LRRC9: variants seen among roughly 807,000 people sequenced by gnomAD.
LRRC9 encodes leucine-rich repeat-containing protein 9.
LRRC9 carries 122 observed loss-of-function variants against 63.2 expected under a neutral mutation model. The observed-to-expected ratio is 1.93, with a 90% CI of 1.67 to 2.24. LRRC9 has a LOEUF of 2.24. Ranked by LOEUF, LRRC9 falls within the 30% of genes most tolerant of loss-of-function variation. The pLI is 0.00. For missense variants in LRRC9, 1,071 were observed against 627.7 expected (o/e 1.71, Z -7.55); for synonymous variants, 366 against 213.1 (o/e 1.72, Z -6.25).
intron 1 of LRRC9, 119 bp downstream of exon 1, chr14:59,920,392 G>A (rs1225832988): frequency 6.6e-6 from 1 of 152,286 alleles, no homozygotes; most frequent in East Asian, 1.9e-4. Flanking sequence ...TGAGGTCAAG[G>A]GAACTCCGTA....
In LRRC9 at chr14:60,042,741, G is replaced by A. The variant is rs1893066964; in HGVS notation, c.3991-10324G>A. ...GTCCTGCTTTGGCTCATGCTCCGTGGGCTGCACCTATTGTCCGACAAGCCC... is the reference window on the plus strand; with the variant it reads ...GTCCTGCTTTGGCTCATGCTCCGTGAGCTGCACCTATTGTCCGACAAGCCC... On this transcript the variant is annotated intron_variant, in intron 29 of 31. Transcript: ENST00000445360. The surrounding 1 kb of genome is among the most constrained non-coding windows in gnomAD (Gnocchi z 4.2). 6.6e-6 allele frequency among the ~76,000 whole-genome samples: 1 copy of A among 151,964 alleles called. No homozygotes were observed. Among genetic ancestry groups the A allele is most frequent in the Non-Finnish European group, 1.5e-5 (1 of 67,952 alleles).
At position 60,027,059 on chromosome 14, in the gene LRRC9, A is replaced by G. The variant is rs1354323197; in HGVS notation, c.3704-825A>G. 6.6e-6 allele frequency among the ~76,000 whole-genome samples: 1 copy of G among 152,048 alleles called. No homozygotes were observed. Among genetic ancestry groups the G allele is most frequent in the East Asian group, 1.9e-4 (1 of 5,172 alleles). ...AGCACATAATAATCAAGGAGAATGAATATTGACTGAAATGTAGTATGGCAT... is the reference window on the plus strand; with the variant it reads ...AGCACATAATAATCAAGGAGAATGAGTATTGACTGAAATGTAGTATGGCAT... On this transcript the variant is annotated intron_variant, in intron 27 of 31. Transcript: ENST00000445360. This position sits in a 1 kb window ranked among gnomAD's most constrained non-coding sequence, Gnocchi z 4.0.
chr14:59,977,375 T>C (rs1363644298), intron 14 of LRRC9, 28 bp downstream of exon 14: 2 of 643,082 alleles, frequency 3.1e-6, no homozygotes, highest in Non-Finnish European at 5.6e-6. Flanking sequence ...ATTAATGTGG[T>C]TTTATCTCTC....
At chr14:60,041,281 A>G (rs957279373) in intron 29 of LRRC9, among the ~76,000 whole-genome samples, 2 of 151,880 alleles carry the variant, frequency 1.3e-5, no homozygotes, top group African/African-American at 4.8e-5. Flanking sequence ...CATTCTCTGT[A>G]TTTCCTGAAT....
intron 17 of LRRC9, among the ~76,000 whole-genome samples, chr14:59,996,265 T>C (rs2140179338): frequency 6.6e-6 from 1 of 152,178 alleles, no homozygotes; most frequent in African/African-American, 2.4e-5. Context: ...GTTCAAGAAA[T>C]GATGATAGGA....
Position 60,004,204 on chromosome 14 carries a change from C to A in LRRC9, c.2842+406C>A, listed in dbSNP as rs913430075. 1.3e-5 allele frequency among the ~76,000 whole-genome samples: 2 copies of A among 152,008 alleles called. No homozygotes were observed. Among genetic ancestry groups the A allele is most frequent in the African/African-American group, 4.8e-5 (2 of 41,410 alleles). On this transcript the variant is annotated intron_variant, in intron 21 of 31. Transcript: ENST00000445360. The surrounding 1 kb of genome is among the most constrained non-coding windows in gnomAD (Gnocchi z 4.8). ...TCTGTGCTAGTTTATAATCTGTTAC[C>A]AAACATTAGCACATACCAACTAGTT...
chr14:59,964,268 T>C lies in LRRC9; in HGVS notation c.1212-2321T>C, dbSNP rs575911420. Among the ~76,000 whole-genome samples the C allele has an allele frequency of 1.5e-4, 23 of 152,360 alleles. 1 individual carries two copies. The highest frequency in any genetic ancestry group is 5.0e-4 in the African/African-American group (21 of 41,602). Reference sequence around the variant, plus strand: ...AGTAAAGGATCAGTGTTCTCCACTGTATAGTTTTAGACTATCATAACTTCT... The same window carrying C: ...AGTAAAGGATCAGTGTTCTCCACTGCATAGTTTTAGACTATCATAACTTCT... On this transcript the variant is annotated intron_variant, in intron 10 of 31. Coordinates refer to ENST00000445360, the Ensembl canonical transcript of LRRC9. The surrounding 1 kb of genome is among the most constrained non-coding windows in gnomAD (Gnocchi z 4.4).
chr14:60,037,034 C>G (rs539463093), intron 29 of LRRC9, among the ~76,000 whole-genome samples: 3 of 152,036 alleles, frequency 2.0e-5, no homozygotes, highest in Admixed American at 6.6e-5. Context: ...TCTGTCCTTG[C>G]GATAGTTTGC....
chr14:60,064,868 G>A (rs1211372091), downstream of LRRC9, among the ~76,000 whole-genome samples: 1 of 151,980 alleles, frequency 6.6e-6, no homozygotes, highest in Non-Finnish European at 1.5e-5. Context: ...ATAACAAAGT[G>A]GGAAAATAAA....
rs1265123375 is a variant in LRRC9 at position 60,032,172 on chromosome 14, G to T, written c.3990+109G>T. 6.9e-6 allele frequency: 4 copies of T among 576,458 alleles called. No individual in the cohort carries two copies. The East Asian group carries it at 1.2e-4, about 17-fold the overall frequency. The allele number at this position is 576,458 out of a possible 1,614,324, so 35.7% of individuals were successfully genotyped here. A position where few individuals can be genotyped will look rare whatever the true frequency, so the allele number is the denominator to read the frequency against. On this transcript the variant is annotated intron_variant, in intron 29 of 31. Transcript: ENST00000445360. ...TTAGTTTTATGCTTCTGTATGCATA[G>T]CCAGTCATCCCAGCCCAAATTTATT...
At chr14:59,998,907 C>A (rs182793690) in intron 18 of LRRC9, among the ~76,000 whole-genome samples, 194 bp from the exon 19 acceptor site, 2 of 152,118 alleles carry the variant, frequency 1.3e-5, no homozygotes, top group African/African-American at 4.8e-5. Flanking sequence ...GTAGAATCAT[C>A]AACCTTCAAA....
chr14:59,981,507 G>C (rs1314846365), intron 15 of LRRC9, among the ~76,000 whole-genome samples: 2 of 152,068 alleles, frequency 1.3e-5, no homozygotes, highest in Non-Finnish European at 2.9e-5. Flanking sequence ...ATATTTTTTA[G>C]CCAGAGGTTA....
Position 60,003,852 on chromosome 14 carries a change from A to C in LRRC9, c.2842+54A>C. On this transcript the variant is annotated intron_variant, in intron 21 of 31. Coordinates refer to ENST00000445360, the Ensembl canonical transcript of LRRC9. This position sits in a 1 kb window ranked among gnomAD's most constrained non-coding sequence, Gnocchi z 4.2. ...AAAATATGGGATGTCTAAACAACAAAGCAAAAAATAACCCTGGGAACAGAG... is the reference window on the plus strand; with the variant it reads ...AAAATATGGGATGTCTAAACAACAACGCAAAAAATAACCCTGGGAACAGAG... 1 of 545,620 alleles carries C rather than the reference A, an allele frequency of 1.8e-6. No individual in the cohort carries two copies. The highest frequency in any genetic ancestry group is 3.2e-6 in the Non-Finnish European group (1 of 310,402). 33.8% of individuals were successfully genotyped at this position (545,620 alleles called of 1,614,324 possible).
At chr14:60,037,510 T>C (rs1344421123) in intron 29 of LRRC9, among the ~76,000 whole-genome samples, 1 of 152,244 alleles carries the variant, frequency 6.6e-6, no homozygotes, top group Non-Finnish European at 1.5e-5. Flanking sequence ...ATTTCTCTGA[T>C]GGCCAGTGAT....
intron 12 of LRRC9, 149 bp from the exon 13 acceptor site, chr14:59,974,427 C>T: frequency 2.4e-6 from 1 of 414,776 alleles, no homozygotes; most frequent in Non-Finnish European, 4.3e-6. Context: ...AATGAAGTTG[C>T]ACCTGAAGGT....
At chr14:59,977,946 T>C (rs528832601) in intron 14 of LRRC9, 71 bp from the exon 15 acceptor site, 2 of 652,724 alleles carry the variant, frequency 3.1e-6, no homozygotes, top group Admixed American at 2.2e-5. Context: ...TATTAAACTA[T>C]GTAAGAATGA....
Position 59,999,135 on chromosome 14 carries a change from T to G in LRRC9, c.2438T>G (p.Leu813Ter). 3 of 699,898 alleles carry G rather than the reference T, an allele frequency of 4.3e-6. No individual in the cohort carries two copies. Among genetic ancestry groups the G allele is most frequent in the Non-Finnish European group, 5.2e-6 (2 of 383,178 alleles). 43.4% of individuals were successfully genotyped at this position (699,898 alleles called of 1,614,324 possible). ...TTGAGGCTGAGTGTTATTGGCAGAT[T>G]AAAGACTCTTACCCATTTAAATGGA... is the stretch of plus-strand genomic sequence containing the variant. Residue 813 changes from leucine to a stop codon, truncating the protein, a stop_gained, in exon 19 of 32, where the codon TTA becomes TGA. Coordinates refer to ENST00000445360, the Ensembl canonical transcript of LRRC9. LOFTEE classifies it high-confidence loss of function.
chr14:59,930,930 C>A lies in LRRC9; in HGVS notation c.280C>A (p.Leu94Ile). 1 of 437,388 alleles carries A rather than the reference C, an allele frequency of 2.3e-6. No homozygotes were observed. The highest frequency in any genetic ancestry group is 3.1e-5 in the South Asian group (1 of 32,328). The allele number at this position is 437,388 out of a possible 1,614,324, so 27.1% of individuals were successfully genotyped here. The change falls in exon 4 of 32, where the codon CTT becomes ATT. Residue 94 changes from leucine (L) to isoleucine (I), a missense_variant. By Grantham distance (5) the Leu-to-Ile change is conservative. Transcript: ENST00000445360. This position sits in a 1 kb window ranked among gnomAD's most constrained non-coding sequence, Gnocchi z 4.9. ...TTTTCTTTTACAGAAAATTGAAGGT[C>A]TTCAAGAATGTAGAAATTTGGAAAA...
In LRRC9 at chr14:59,986,748, G is replaced by T. The variant is rs1368130048; in HGVS notation, c.2211+1524G>T. 1.3e-5 allele frequency among the ~76,000 whole-genome samples: 2 copies of T among 152,030 alleles called. No individual in the cohort carries two copies. The highest frequency in any genetic ancestry group is 4.8e-5 in the African/African-American group (2 of 41,394). ...AGCATTTATTTTGCCATGTGGTGGT[G>T]GTGTTCAACTTTAATACAAAAATTA... On this transcript the variant is annotated intron_variant, in intron 17 of 31. Transcript: ENST00000445360. This position sits in a 1 kb window ranked among gnomAD's most constrained non-coding sequence, Gnocchi z 4.7.
Sources: gnomAD v4.1 joint callset for allele counts (sites outside exome capture counted in the v4.1 genomes callset) on GRCh38, gnomAD v4.1.1 for gene constraint, Gnocchi (gnomAD v3.1) non-coding constraint, MANE v1.5 for transcripts, NCBI Gene and HGNC (gene_info 2026-07-23, HGNC 2026-07-21) for gene names.